ADAM9: variants seen among roughly 807,000 people sequenced by gnomAD.
ADAM9 encodes the protein ADAM metallopeptidase domain 9, also known as disintegrin and metalloproteinase domain-containing protein 9.
Under a neutral mutation model 108.1 loss-of-function variants are expected in ADAM9, and 54 were observed. That is an observed-to-expected ratio of 0.50 (90% CI 0.40 to 0.63). The LOEUF is 0.63. ADAM9 is among the 20% of genes least tolerant of loss of function. ADAM9 has a pLI of 0.00. For missense variants in ADAM9, 830 were observed against 997.7 expected (o/e 0.83, Z 2.26); for synonymous variants, 316 against 336.0 (o/e 0.94, Z 0.65).
At chr8:39,099,409 T>C (rs979948396) in intron 20 of ADAM9, among the ~76,000 whole-genome samples, 4 of 152,220 alleles carry the variant, frequency 2.6e-5, no homozygotes, top group East Asian at 1.9e-4. Context: ...TTAAATATTT[T>C]AGGCAGCATT....
intron 3 of ADAM9, among the ~76,000 whole-genome samples, chr8:39,012,563 C>T (rs886768918): frequency 6.6e-6 from 1 of 152,142 alleles, no homozygotes; most frequent in Non-Finnish European, 1.5e-5. Flanking sequence ...CCAACAATGA[C>T]AGACTGGATT....
At chr8:39,060,463 A>C (rs137985787) in intron 14 of ADAM9, among the ~76,000 whole-genome samples, 244 of 152,286 alleles carry the variant, frequency 1.6e-3, no homozygotes, top group African/African-American at 5.6e-3. Context: ...CAAATGAGGA[A>C]TATTTTGCCT....
At chr8:39,043,015 A>G (rs144203746) in intron 12 of ADAM9, among the ~76,000 whole-genome samples, 2 of 152,256 alleles carry the variant, frequency 1.3e-5, no homozygotes, top group African/African-American at 4.8e-5. Flanking sequence ...AAATGGTATT[A>G]TGTCCTTTGT....
intron 20 of ADAM9, among the ~76,000 whole-genome samples, chr8:39,092,355 C>CACACAA (rs1491128791): frequency 6.6e-6 from 1 of 150,754 alleles, no homozygotes; most frequent in Non-Finnish European, 1.5e-5. Context: ...CACACACACA[C>CACACAA]AATCTCCCTA....
At chr8:39,078,081 A>G (rs941340547) in intron 16 of ADAM9, among the ~76,000 whole-genome samples, 1 of 152,038 alleles carries the variant, frequency 6.6e-6, no homozygotes, top group Non-Finnish European at 1.5e-5. Flanking sequence ...AGGAGAATAT[A>G]TGATTGACTG....
At chr8:39,002,312 CTTTTTTTTTTT>C (rs35517175) in intron 1 of ADAM9, among the ~76,000 whole-genome samples, 26 of 71,492 alleles carry the variant, frequency 3.6e-4, no homozygotes, top group Admixed American at 1.6e-3. Context: ...AGGTAGAATT[CTTTTTTTTTTT>C]TTTTTTTTTT....
intron 1 of ADAM9, among the ~76,000 whole-genome samples, chr8:38,999,353 A>G (rs539923737): frequency 1.3e-4 from 20 of 152,208 alleles, no homozygotes; most frequent in African/African-American, 3.6e-4. Context: ...TAAACTGACA[A>G]AGGTAACTGT....
rs545734153 is a variant in ADAM9 at position 39,054,619 on chromosome 8, A to G, written c.1395+46A>G. Reference sequence around the variant, plus strand: ...GGAAACAGGAAAAAAAAAAAAAAAAAAAAGAAAACCTGTGTATATCAAAAT... The same window carrying G: ...GGAAACAGGAAAAAAAAAAAAAAAAGAAAGAAAACCTGTGTATATCAAAAT... On this transcript the variant is annotated intron_variant, in intron 13 of 21. Coordinates refer to ENST00000487273, the MANE Select transcript of ADAM9 (RefSeq NM_003816.3). 192 of 1,514,988 alleles carry G rather than the reference A, an allele frequency of 1.3e-4. 2 individuals carry two copies. Among genetic ancestry groups the G allele is most frequent in the Middle Eastern group, 8.7e-4 (5 of 5,762 alleles). The allele number at this position is 1,514,988 out of a possible 1,614,324, so 93.8% of individuals were successfully genotyped here.
chr8:39,071,255 G>A (rs1838678380), intron 14 of ADAM9, 43 bp from the exon 15 acceptor site: 2 of 1,576,340 alleles, frequency 1.3e-6, no homozygotes, highest in Middle Eastern at 1.7e-4. Context: ...AAGCTAAATT[G>A]CCATAACTTT....
chr8:39,008,151 C>T (rs1355386050), intron 2 of ADAM9, among the ~76,000 whole-genome samples, 168 bp downstream of exon 2: 1 of 151,406 alleles, frequency 6.6e-6, no homozygotes, highest in African/African-American at 2.4e-5. Flanking sequence ...CTAGTAAAAG[C>T]AACATATTGA....
intron 15 of ADAM9, among the ~76,000 whole-genome samples, chr8:39,074,607 C>G (rs1218367064): frequency 6.6e-6 from 1 of 151,936 alleles, no homozygotes; most frequent in African/African-American, 2.4e-5. Flanking sequence ...CATCTAGTAT[C>G]TGATCAATAT....
At chr8:39,032,780 T>G (rs1320598424) in intron 11 of ADAM9, among the ~76,000 whole-genome samples, 2 of 152,240 alleles carry the variant, frequency 1.3e-5, no homozygotes, top group African/African-American at 2.4e-5. Context: ...AGACCGGAGC[T>G]GTTCCTATTC....
intron 20 of ADAM9, among the ~76,000 whole-genome samples, chr8:39,101,398 T>A (rs1173606884): frequency 6.6e-6 from 1 of 152,170 alleles, no homozygotes; most frequent in Non-Finnish European, 1.5e-5. Flanking sequence ...AGTACTTATA[T>A]GTGAATAAAT....
intron 2 of ADAM9, among the ~76,000 whole-genome samples, chr8:39,011,275 T>C (rs1376734063): frequency 6.6e-6 from 1 of 152,192 alleles, no homozygotes; most frequent in Non-Finnish European, 1.5e-5. Flanking sequence ...TAACTTTATA[T>C]AAGTAGAACT....
At chr8:39,057,736 T>C (rs1029873853) in intron 14 of ADAM9, among the ~76,000 whole-genome samples, 1 of 152,132 alleles carries the variant, frequency 6.6e-6, no homozygotes, top group Non-Finnish European at 1.5e-5. Context: ...TTAAAATTGA[T>C]TGGATGGGGC....
chr8:39,021,444 T>G (rs375210186), intron 7 of ADAM9, among the ~76,000 whole-genome samples, 199 bp from the exon 8 acceptor site: 1 of 152,042 alleles, frequency 6.6e-6, no homozygotes, highest in Non-Finnish European at 1.5e-5. Context: ...CCACCACGCC[T>G]GGCTAATTTT....
rs1276073122 is a variant in ADAM9 at position 39,043,442 on chromosome 8, TTTTG to T, written c.1302+1329_1302+1332del. ...CACATTCTTGCCGACACTTGTTGTC[TTTTG>T]TTTTTTTCCGTGATAGCAATCCTAA... On this transcript the variant is annotated intron_variant, in intron 12 of 21. Coordinates refer to ENST00000487273, the MANE Select transcript of ADAM9 (RefSeq NM_003816.3). 1.4e-4 allele frequency among the ~76,000 whole-genome samples: 21 copies of T among 152,264 alleles called. No individual in the cohort carries two copies. In the East Asian group the frequency reaches 3.7e-3, roughly 27 times the overall value.
chr8:39,046,881 G>T (rs1046363446), intron 12 of ADAM9, among the ~76,000 whole-genome samples: 4 of 151,956 alleles, frequency 2.6e-5, no homozygotes, highest in African/African-American at 9.7e-5. Context: ...TGATCCTCGT[G>T]CCTCAGCCTC....
chr8:39,007,982 A>T lies in ADAM9; in HGVS notation c.194A>T (p.Gln65Leu), dbSNP rs1467010557. ...RREAPRPYSK[Q>L]VSYVIQAEGK... ...GAAGCCCCTAGGCCCTATTCAAAAC[A>T]AGTAAGTTATAATTGTTGAGAAATA... Residue 65 changes from glutamine to leucine, a missense_variant and splice_region_variant, in exon 2 of 22, where the codon CAA becomes CTA. Coordinates refer to ENST00000487273, the MANE Select transcript of ADAM9 (RefSeq NM_003816.3). The T allele has an allele frequency of 6.3e-7, 1 of 1,587,254 alleles. No individual in the cohort carries two copies. The highest frequency in any genetic ancestry group is 8.6e-7 in the Non-Finnish European group (1 of 1,157,328).
Sources: gnomAD v4.1 joint callset for allele counts (sites outside exome capture counted in the v4.1 genomes callset) on GRCh38, gnomAD v4.1.1 for gene constraint, MANE v1.5 for transcripts, NCBI Gene and HGNC (gene_info 2026-07-23, HGNC 2026-07-21) for gene names.